PDE1C: variants seen among roughly 807,000 people sequenced by gnomAD.
PDE1C encodes dual specificity calcium/calmodulin-dependent 3',5'-cyclic nucleotide phosphodiesterase 1C.
In PDE1C, 62 loss-of-function variants were observed where a neutral mutation model predicts 93.1. That is an observed-to-expected ratio of 0.67 (90% CI 0.54 to 0.82). PDE1C has a LOEUF of 0.82. Among genes scored for constraint, PDE1C ranks in the 40% least tolerant of loss-of-function variants. PDE1C has a pLI of 0.00. For synonymous variants in PDE1C, 325 were observed against 310.1 expected, an observed-to-expected ratio of 1.05 and a Z score of -0.50; for missense variants, 742 against 884.6, an observed-to-expected ratio of 0.84 and a Z score of 2.04.
At chr7:31,745,861 C>T in the PDE1C span, among the ~76,000 whole-genome samples, 1 of 152,104 alleles carries the variant, frequency 6.6e-6, no homozygotes, top group Non-Finnish European at 1.5e-5. Flanking sequence ...GTCTTTTTGG[C>T]TTAGAATATT....
At chr7:31,869,646 A>G (rs1795694322) in intron 6 of PDE1C, among the ~76,000 whole-genome samples, 1 of 152,114 alleles carries the variant, frequency 6.6e-6, no homozygotes, top group Admixed American at 6.5e-5. Flanking sequence ...GACCTAAAGA[A>G]GAGAGAGACT....
At chr7:32,276,680 A>AAAT (rs146962661) in intron 1 of PDE1C, among the ~76,000 whole-genome samples, 2 of 151,852 alleles carry the variant, frequency 1.3e-5, no homozygotes, top group African/African-American at 2.4e-5. Flanking sequence ...TTTTCCATGG[A>AAAT]AATAATAATA....
chr7:31,883,914 T>C (rs1292092501), intron 2 of PDE1C, among the ~76,000 whole-genome samples: 2 of 152,368 alleles, frequency 1.3e-5, no homozygotes, highest in Non-Finnish European at 2.9e-5. Context: ...CAGTCACATT[T>C]ATGCATTCAG....
chr7:32,186,087 GTTTTTTTTTT>G (rs10561469), intron 2 of PDE1C, among the ~76,000 whole-genome samples: 1 of 128,570 alleles, frequency 7.8e-6, no homozygotes, highest in Non-Finnish European at 1.7e-5. Context: ...TTGTTTTTTT[GTTTTTTTTTT>G]TTTTTTTTTT....
chr7:32,281,240 G>A (rs1439051976), intron 1 of PDE1C, among the ~76,000 whole-genome samples: 1 of 152,046 alleles, frequency 6.6e-6, no homozygotes, highest in Non-Finnish European at 1.5e-5. Context: ...CAATGTAGAA[G>A]TTTTTCTAAA....
At chr7:32,087,359 T>C (rs978981156) in intron 3 of PDE1C, among the ~76,000 whole-genome samples, 2 of 152,106 alleles carry the variant, frequency 1.3e-5, no homozygotes, top group African/African-American at 4.8e-5. Context: ...CAACAGTTGC[T>C]GGAGAGGATG....
At chr7:32,257,450 C>T (rs891387030) in intron 1 of PDE1C, among the ~76,000 whole-genome samples, 1 of 152,098 alleles carries the variant, frequency 6.6e-6, no homozygotes, top group African/African-American at 2.4e-5. Flanking sequence ...TTGACCATGG[C>T]CAAATTATGT....
chr7:31,910,967 A>C (rs1017323782), intron 2 of PDE1C, among the ~76,000 whole-genome samples: 1 of 152,210 alleles, frequency 6.6e-6, no homozygotes, highest in Non-Finnish European at 1.5e-5. Flanking sequence ...TTCATTTTTT[A>C]AAACGGAATA....
At chr7:31,726,675 T>C in the PDE1C span, among the ~76,000 whole-genome samples, 2 of 152,130 alleles carry the variant, frequency 1.3e-5, no homozygotes, top group Admixed American at 6.5e-5. Flanking sequence ...CCAATATGAG[T>C]GACTGTTGTT....
intron 2 of PDE1C, among the ~76,000 whole-genome samples, chr7:31,981,926 G>A (rs1181050502): frequency 1.3e-5 from 2 of 152,206 alleles, no homozygotes; most frequent in East Asian, 1.9e-4. Context: ...TTACATGTGA[G>A]ACTTTGTTCT....
upstream of PDE1C, chr7:32,071,559 G>A: frequency 2.8e-6 from 1 of 358,982 alleles, no homozygotes; most frequent in Non-Finnish European, 3.9e-6. Flanking sequence ...CAATAGTGAG[G>A]AGGTAAGTTT....
At chr7:32,378,283 G>A (rs573509929) in intron 1 of PDE1C, among the ~76,000 whole-genome samples, 4 of 152,234 alleles carry the variant, frequency 2.6e-5, no homozygotes, top group East Asian at 1.9e-4. Context: ...CTCAAATGCC[G>A]ATCTTGAAAC....
rs781284883 is a variant in PDE1C, at chr7:31,828,279, T to C, written c.1285+13A>G. 17 of 1,608,332 alleles carry C rather than the reference T, an allele frequency of 1.1e-5. No individual in the cohort carries two copies. Among genetic ancestry groups the C allele is most frequent in the Non-Finnish European group, 1.3e-5 (15 of 1,175,322 alleles). On this transcript the variant is annotated intron_variant, in intron 12 of 17. Transcript: ENST00000396191. ...GCTTTGGTGCTTCTATCCAAAGAGC[T>C]GCAAACACGTACCTACTTGTGACTG...
the PDE1C span, among the ~76,000 whole-genome samples, chr7:31,646,639 G>A: frequency 6.6e-6 from 1 of 152,164 alleles, no homozygotes; most frequent in Non-Finnish European, 1.5e-5. Context: ...CCCCAGCTGT[G>A]TGGAGAGATT....
the PDE1C span, among the ~76,000 whole-genome samples, chr7:31,704,572 A>T: frequency 2.6e-5 from 4 of 152,238 alleles, no homozygotes; most frequent in South Asian, 8.3e-4. Context: ...ACGGTTCAAT[A>T]GCGGAGAAGG....
chr7:31,796,411 C>T (rs1785318336), intron 16 of PDE1C, among the ~76,000 whole-genome samples: 1 of 151,588 alleles, frequency 6.6e-6, no homozygotes, highest in African/African-American at 2.4e-5. Context: ...AGTCACCTGC[C>T]ATCTTGTTCC....
chr7:32,189,396 C>T (rs569673755), intron 2 of PDE1C, among the ~76,000 whole-genome samples: 36 of 152,290 alleles, frequency 2.4e-4, no homozygotes, highest in Admixed American at 1.3e-4. Flanking sequence ...ATAATTTATA[C>T]TTTCACTAAT....
chr7:32,142,491 T>C lies in PDE1C; in HGVS notation c.308+27294A>G, dbSNP rs539029035. 2.6e-5 allele frequency among the ~76,000 whole-genome samples: 4 copies of C among 152,252 alleles called. No individual in the cohort carries two copies. In the South Asian group the frequency reaches 8.3e-4, roughly 32 times the overall value. The stretch of plus-strand genomic sequence containing the variant: ...AAGTGACTGGCCAGACACTCACCAA[T>C]CCCACTTTCTTGTCCAGGGCCCACA... On this transcript the variant is annotated intron_variant, in intron 3 of 18. Transcript: ENST00000396193.
intron 2 of PDE1C, among the ~76,000 whole-genome samples, chr7:32,177,215 T>C (rs547816746): frequency 6.6e-6 from 1 of 152,312 alleles, no homozygotes; most frequent in Non-Finnish European, 1.5e-5. Context: ...AAGTAGATTC[T>C]GAGACAAGGG....
Sources: gnomAD v4.1 joint callset for allele counts (sites outside exome capture counted in the v4.1 genomes callset) on GRCh38, gnomAD v4.1.1 for gene constraint, MANE v1.5 for transcripts, NCBI Gene and HGNC (gene_info 2026-07-23, HGNC 2026-07-21) for gene names.